Variants in KLHL2 observed in about 807,000 individuals in gnomAD.
KLHL2 encodes the protein kelch like family member 2.
In KLHL2, 15 loss-of-function variants were observed where a neutral mutation model predicts 75.8. That is an observed-to-expected ratio of 0.20 (90% confidence interval 0.13 to 0.30). KLHL2 has a LOEUF of 0.30. Among genes scored for constraint, KLHL2 ranks in the 10% least tolerant of loss-of-function variants. The pLI is 1.00. For synonymous variants in KLHL2, 214 were observed against 251.9 expected (o/e 0.85, Z 1.42); for missense variants, 381 against 741.0 (o/e 0.51, Z 5.64).
At chr4:165,258,242 T>C (rs1005147591) in intron 4 of KLHL2, among the ~76,000 whole-genome samples, 1 of 152,174 alleles carries the variant, frequency 6.6e-6, no homozygotes, top group Non-Finnish European at 1.5e-5. Context: ...TCAAAATATA[T>C]ATCAAATTAT....
rs548478616 is a variant in KLHL2 at position 165,255,494 on chromosome 4, AAGG to A, written c.382-7695_382-7693del. Reference sequence around the variant, plus strand: ...GCGAGGTTGCATGTGGGGTACAGGAAAGGAGGAGGAAGAAAGTTTCCTTCCTCT... The same window carrying A: ...GCGAGGTTGCATGTGGGGTACAGGAAAGGAGGAAGAAAGTTTCCTTCCTCT... On this transcript the variant is annotated intron_variant, in intron 4 of 14. Coordinates refer to ENST00000226725, the MANE Select transcript of KLHL2 (RefSeq NM_007246.4). Among the ~76,000 whole-genome samples the A allele has an allele frequency of 3.8e-3, 577 of 152,146 alleles. 1 individual carries two copies. The highest frequency in any genetic ancestry group is 0.021 in the South Asian group (99 of 4,814).
In KLHL2 at chr4:165,322,114, A is replaced by C; in HGVS notation, c.*54A>C. On this transcript the variant is annotated 3_prime_UTR_variant, in exon 15 of 15. Transcript: ENST00000226725. ...ACATGAGAAACAGCCTTCAACAAGT[A>C]TTTGTGAAGTGACTGAGAATCTAGC... 1 of 1,483,350 alleles carries C rather than the reference A, an allele frequency of 6.7e-7. No homozygotes were observed. Among genetic ancestry groups the C allele is most frequent in the Non-Finnish European group, 9.4e-7 (1 of 1,061,114 alleles). The allele number at this position is 1,483,350 out of a possible 1,614,324, so 91.9% of individuals were successfully genotyped here.
chr4:165,271,175 T>A (rs1331531612), intron 5 of KLHL2, among the ~76,000 whole-genome samples: 3 of 149,586 alleles, frequency 2.0e-5, no homozygotes, highest in South Asian at 2.1e-4. Flanking sequence ...ATTTTTTTTT[T>A]ATAATTCTGT....
intron 11 of KLHL2, 98 bp from the exon 12 acceptor site, chr4:165,313,140 G>A: frequency 7.9e-7 from 1 of 1,258,960 alleles, no homozygotes; most frequent in South Asian, 1.4e-5. Context: ...CTGCTGCCAT[G>A]AAGGAAAATA....
At chr4:165,208,945 A>G (rs954175655) in intron 1 of KLHL2, among the ~76,000 whole-genome samples, 1 of 152,230 alleles carries the variant, frequency 6.6e-6, no homozygotes, top group Admixed American at 6.5e-5. Context: ...TTCCAGCCAA[A>G]ATAAGGATAC....
intron 4 of KLHL2, among the ~76,000 whole-genome samples, chr4:165,245,383 C>A (rs1033728380): frequency 2.0e-4 from 30 of 152,092 alleles, no homozygotes; most frequent in African/African-American, 6.5e-4. Context: ...TGCCTTTATC[C>A]AGGAAGAGCT....
At chr4:165,208,617 A>G (rs1737002379) in intron 1 of KLHL2, 2 of 152,236 alleles carry the variant, frequency 1.3e-5, no homozygotes, top group African/African-American at 4.8e-5. Flanking sequence ...AACATTATGT[A>G]GAAGACATTA....
At chr4:165,274,926 C>G (rs1742961959) in intron 5 of KLHL2, among the ~76,000 whole-genome samples, 1 of 143,298 alleles carries the variant, frequency 7.0e-6, no homozygotes, top group African/African-American at 2.5e-5. Context: ...CCGAGATGCT[C>G]TCGTGGCTTC....
intron 13 of KLHL2, among the ~76,000 whole-genome samples, chr4:165,315,208 T>G (rs77696710): frequency 0.021 from 3,137 of 152,286 alleles, 95 homozygotes; most frequent in African/African-American, 0.072. Flanking sequence ...GAAATTTAGT[T>G]GCAATTTGAG....
chr4:165,295,459 T>C (rs1001688760), intron 6 of KLHL2, among the ~76,000 whole-genome samples: 15 of 152,344 alleles, frequency 9.8e-5, no homozygotes, highest in South Asian at 2.1e-4. Context: ...GTGCCTTCCA[T>C]GTACCAGACA....
chr4:165,219,191 C>G (rs1350688830), intron 1 of KLHL2, among the ~76,000 whole-genome samples: 2 of 152,150 alleles, frequency 1.3e-5, no homozygotes, highest in African/African-American at 4.8e-5. Flanking sequence ...ATTCACTGTT[C>G]AGTGTAGGAA....
rs986129870 is a variant in KLHL2 at position 165,322,358 on chromosome 4, A to G, written c.*298A>G. On this transcript the variant is annotated 3_prime_UTR_variant, in exon 15 of 15. Coordinates refer to ENST00000226725, the MANE Select transcript of KLHL2 (RefSeq NM_007246.4). ...CTTTCATAAAGACTAGTTCTTATCA[A>G]CCTTGAATGACTACAGATTATTTTG... The G allele has an allele frequency of 1.4e-5, 4 of 281,942 alleles. No individual in the cohort carries two copies. Among genetic ancestry groups the G allele is most frequent in the African/African-American group, 6.6e-5 (3 of 45,636 alleles). 17.5% of individuals were successfully genotyped at this position (281,942 alleles called of 1,614,324 possible). A position where few individuals can be genotyped will look rare whatever the true frequency, so the allele number is the denominator to read the frequency against.
At chr4:165,279,114 T>C in intron 5 of KLHL2, 1 of 1,594,252 alleles carries the variant, frequency 6.3e-7, no homozygotes, top group Non-Finnish European at 8.6e-7. Context: ...CATGAATCAA[T>C]AGTCCCAAAA....
intron 5 of KLHL2, chr4:165,279,017 A>G: frequency 6.6e-7 from 1 of 1,509,288 alleles, no homozygotes; most frequent in East Asian, 2.3e-5. Context: ...CAAAGAATGA[A>G]TGTTGAAAAG....
rs756937320 is a variant in KLHL2 at position 165,278,908 on chromosome 4, C to G, written c.545-15451C>G. On this transcript the variant is annotated intron_variant, in intron 5 of 14. Transcript: ENST00000226725. ...CAGATATTGGCACACCTTCCAAGGC[C>G]CCCGCTTTCATTAGGCCATAGATCT... 34 of 1,406,682 alleles carry G rather than the reference C, an allele frequency of 2.4e-5. No individual in the cohort carries two copies. The South Asian group carries it at 2.8e-4, about 11-fold the overall frequency. 87.1% of individuals were successfully genotyped at this position (1,406,682 alleles called of 1,614,324 possible). A position where few individuals can be genotyped will look rare whatever the true frequency, so the allele number is the denominator to read the frequency against.
intron 4 of KLHL2, among the ~76,000 whole-genome samples, chr4:165,261,247 CT>C (rs1449915749): frequency 6.6e-6 from 1 of 152,208 alleles, no homozygotes; most frequent in Non-Finnish European, 1.5e-5. Flanking sequence ...AAATTAAAGC[CT>C]TCTGTGGATA....
chr4:165,311,458 T>C lies in KLHL2; in HGVS notation c.1238-6T>C, dbSNP rs763249348. 5.0e-6 allele frequency: 8 copies of C among 1,593,450 alleles called. 1 individual carries two copies. The highest frequency in any genetic ancestry group is 4.5e-5 in the South Asian group (4 of 89,754). On this transcript the variant is annotated splice_polypyrimidine_tract_variant and splice_region_variant and intron_variant, in intron 10 of 14. Coordinates refer to ENST00000226725, the MANE Select transcript of KLHL2 (RefSeq NM_007246.4). Reference sequence around the variant, plus strand: ...AGGAAATGAAGACTATTGTGCTTTATTATAGGTTTGTCATCTGTGGAAGCA... The same window carrying C: ...AGGAAATGAAGACTATTGTGCTTTACTATAGGTTTGTCATCTGTGGAAGCA...
intron 13 of KLHL2, among the ~76,000 whole-genome samples, chr4:165,316,870 A>C (rs1023541659): frequency 6.6e-6 from 1 of 152,212 alleles, no homozygotes; most frequent in African/African-American, 2.4e-5. Context: ...TATTTAATAA[A>C]GTAGCATGTG....
At chr4:165,288,749 A>G (rs2126463516) in intron 5 of KLHL2, among the ~76,000 whole-genome samples, 1 of 151,830 alleles carries the variant, frequency 6.6e-6, no homozygotes, top group South Asian at 2.1e-4. Context: ...AGATTTCAAA[A>G]TTGCTCTCTG....
Sources: allele counts gnomAD v4.1 joint callset (sites outside exome capture counted in the v4.1 genomes callset), GRCh38; gene constraint gnomAD v4.1.1; transcripts MANE v1.5; gene names NCBI Gene and HGNC (gene_info 2026-07-23, HGNC 2026-07-21).